CAPNS1: variants seen among roughly 807,000 people sequenced by gnomAD.
The protein encoded by CAPNS1 is CANP small subunit.
In CAPNS1, 32 loss-of-function variants were observed where a neutral mutation model predicts 39.2. The observed-to-expected ratio is 0.82, with a 90% CI of 0.62 to 1.10. The LOEUF (loss-of-function observed/expected upper bound fraction) is 1.10, where lower values mean the gene tolerates loss of function less well. CAPNS1 is among the 50% of genes least tolerant of loss of function. The pLI is 0.00. For synonymous variants in CAPNS1, 153 were observed against 136.2 expected (o/e 1.12, Z -0.86); for missense variants, 353 against 373.1 (o/e 0.95, Z 0.44).
intron 10 of CAPNS1, 67 bp from the exon 11 acceptor site, chr19:36,149,745 TG>T: frequency 6.3e-7 from 1 of 1,591,768 alleles, no homozygotes; most frequent in Non-Finnish European, 8.6e-7. Flanking sequence ...CAGCCGTCCC[TG>T]GGTGAGGGCA....
At chr19:36,147,133 A>G (rs1291362380) in intron 9 of CAPNS1, among the ~76,000 whole-genome samples, 4 of 152,246 alleles carry the variant, frequency 2.6e-5, no homozygotes, top group African/African-American at 9.6e-5. Flanking sequence ...GGCATGAGCC[A>G]TTGCATGTGG....
rs987873723 is a variant in CAPNS1 at position 36,146,029 on chromosome 19, A to G, written c.579A>G (p.Glu193=). Residue 193 remains glutamate, a synonymous_variant, in exon 8 of 11, where the codon GAA becomes GAG. Transcript: ENST00000246533. ...GATCAGGGACCATTTGCAGTAGTGA[A>G]CTCCCAGGTGCCTTTGAGGCAGCAG... ...TDRSGTICSS[E]LPGAFEAAGF... 6.2e-7 allele frequency: 1 copy of G among 1,614,036 alleles called. No individual in the cohort carries two copies. Among genetic ancestry groups the G allele is most frequent in the African/African-American group, 1.3e-5 (1 of 74,920 alleles).
At chr19:36,141,269 T>C in intron 2 of CAPNS1, 49 bp downstream of exon 2, 1 of 1,485,062 alleles carries the variant, frequency 6.7e-7, no homozygotes, top group Non-Finnish European at 8.9e-7. Flanking sequence ...GGGAGGAGCC[T>C]CAGTGAGGCG....
rs781699759 is a variant in CAPNS1, at chr19:36,141,164, C to A, written c.153C>A (p.Gly51=). The change falls in exon 2 of 11, where the codon GGC becomes GGA. Residue 51 remains glycine (G), a synonymous_variant. Coordinates refer to ENST00000246533, the MANE Select transcript of CAPNS1 (RefSeq NM_001749.4). ...GGGGGGGGGG[G]GGGGGTAMRI... ...GCGGCGGCGGCGGCGGTGGTGGAGG[C>A]GGCGGTGGCGGTGGAACGGCCATGC... 1 of 1,403,320 alleles carries A rather than the reference C, an allele frequency of 7.1e-7. No homozygotes were observed. Among genetic ancestry groups the A allele is most frequent in the Admixed American group, 3.7e-5 (1 of 26,794 alleles). The allele number at this position is 1,403,320 out of a possible 1,614,324, so 86.9% of individuals were successfully genotyped here. A position where few individuals can be genotyped will look rare whatever the true frequency, so the allele number is the denominator to read the frequency against.
chr19:36,148,161 T>C (rs1464682947), intron 9 of CAPNS1: 1 of 151,262 alleles, frequency 6.6e-6, no homozygotes, highest in Non-Finnish European at 1.5e-5. Context: ...AAGAAGCAGG[T>C]ATGTGAGATA....
chr19:36,140,935 G>A, intron 1 of CAPNS1, 62 bp from the exon 2 acceptor site: 4 of 1,579,022 alleles, frequency 2.5e-6, no homozygotes, highest in Non-Finnish European at 3.4e-6. Flanking sequence ...GGAAATGCGT[G>A]TTTGAAGGGA....
rs1367375950 is a variant in CAPNS1, at chr19:36,143,110, C to T, written c.438C>T (p.Ser146=). Residue 146 remains serine, a synonymous_variant, in exon 6 of 11, where the codon AGC becomes AGT. Coordinates refer to ENST00000246533, the MANE Select transcript of CAPNS1 (RefSeq NM_001749.4). The part of the protein sequence containing the change: ...TDGFGIDTCR[S]MVAVMDSDTT... ...GTTTTGGCATTGACACATGTCGCAG[C>T]ATGGTGGCCGTGATGGATGTATCCT... 6.2e-7 allele frequency: 1 copy of T among 1,614,132 alleles called. No individual in the cohort carries two copies.
chr19:36,141,380 T>C, intron 2 of CAPNS1, 160 bp downstream of exon 2: 2 of 1,345,342 alleles, frequency 1.5e-6, no homozygotes, highest in Non-Finnish European at 1.9e-6. Flanking sequence ...AGAGTTCTGC[T>C]GTAAGGGGGT....
intron 7 of CAPNS1, 29 bp from the exon 8 acceptor site, chr19:36,145,947 A>G: frequency 6.2e-7 from 1 of 1,613,548 alleles, no homozygotes; most frequent in South Asian, 1.1e-5. Context: ...CACAATGCTC[A>G]CTTGGACCCA....
In CAPNS1 at chr19:36,142,671, C is replaced by T. The variant is rs202081010; in HGVS notation, c.263C>T (p.Ser88Phe). The T allele has an allele frequency of 1.1e-3, 1,831 of 1,614,182 alleles. 34 individuals are homozygous for T. The South Asian group carries it at 0.019, about 17-fold the overall frequency. Residue 88 changes from serine (S) to phenylalanine (F), a missense_variant, in exon 4 of 11, where the codon TCC (serine) becomes TTC (phenylalanine). Transcript: ENST00000246533. ...TTGCAGCCCCCACGCACACATTACT[C>T]CAACATTGAGGCCAACGAGAGTGAG... ...PEPPPPRTHY[S>F]NIEANESEEV...
rs1390770868 is a variant in CAPNS1, at chr19:36,140,104, G to T, written c.-69G>T. On this transcript the variant is annotated 5_prime_UTR_variant, in exon 1 of 11. Transcript: ENST00000246533. Reference sequence around the variant, plus strand: ...CGCCCTCCGGAGCCGGACGCTGCGGGAGGCCCGGGAGCGGCAGTGGAACCG... The same window carrying T: ...CGCCCTCCGGAGCCGGACGCTGCGGTAGGCCCGGGAGCGGCAGTGGAACCG... 6.6e-6 allele frequency: 1 copy of T among 152,232 alleles called. No homozygotes were observed. Among genetic ancestry groups the T allele is most frequent in the East Asian group, 1.9e-4 (1 of 5,182 alleles). The allele number at this position is 152,232 out of a possible 1,614,324, so 9.4% of individuals were successfully genotyped here.
chr19:36,145,174 G>C (rs1177081079), intron 6 of CAPNS1, among the ~76,000 whole-genome samples: 1 of 145,434 alleles, frequency 6.9e-6, no homozygotes, highest in Non-Finnish European at 1.5e-5. Flanking sequence ...ATGAAATTGA[G>C]TTACTGTCAA....
chr19:36,149,608 C>T lies in CAPNS1; in HGVS notation c.752C>T (p.Thr251Ile). Residue 251 changes from threonine to isoleucine, a missense_variant, in exon 10 of 11, where the codon ACT (threonine) becomes ATT (isoleucine). Physicochemically the swap from Thr to Ile is moderately conservative, Grantham distance 89. Coordinates refer to ENST00000246533, the MANE Select transcript of CAPNS1 (RefSeq NM_001749.4). ...TTCAAATCTCTTGACAAAGATGGCA[C>T]TGGACAAATCCAGGTGAACATCCAG... The part of the protein sequence containing the change: ...RAFKSLDKDG[T>I]GQIQVNIQEW... 6.6e-7 allele frequency: 1 copy of T among 1,520,132 alleles called. No individual in the cohort carries two copies. The highest frequency in any genetic ancestry group is 8.8e-7 in the Non-Finnish European group (1 of 1,134,936). 94.2% of individuals were successfully genotyped at this position (1,520,132 alleles called of 1,614,324 possible). A position where few individuals can be genotyped will look rare whatever the true frequency, so the allele number is the denominator to read the frequency against.
chr19:36,141,069 G>C lies in CAPNS1; in HGVS notation c.58G>C (p.Gly20Arg). The C allele has an allele frequency of 6.6e-7, 1 of 1,505,760 alleles. No individual in the cohort carries two copies. The highest frequency in any genetic ancestry group is 8.9e-7 in the Non-Finnish European group (1 of 1,122,246). 93.3% of individuals were successfully genotyped at this position (1,505,760 alleles called of 1,614,324 possible). A position where few individuals can be genotyped will look rare whatever the true frequency, so the allele number is the denominator to read the frequency against. The change falls in exon 2 of 11, where the codon GGC (glycine) becomes CGC (arginine). Residue 20 changes from glycine (G) to arginine (R), a missense_variant. By Grantham distance (125) the Gly-to-Arg change is moderately radical. Transcript: ENST00000246533. ...GGGGGGGGGG[G>R]LGGGLGNVLG... The stretch of plus-strand genomic sequence containing the variant: ...CGGCGGCGGCGGCGGGGGAGGCGGG[G>C]GCCTGGGTGGGGGCCTGGGAAATGT...
chr19:36,141,256 A>G (rs966662344), intron 2 of CAPNS1, 36 bp downstream of exon 2: 3 of 1,497,210 alleles, frequency 2.0e-6, no homozygotes, highest in African/African-American at 1.5e-5. Flanking sequence ...GGGGCCTGGG[A>G]ATGGGAGGAG....
At chr19:36,142,590 GTT>G in intron 3 of CAPNS1, 60 bp from the exon 4 acceptor site, 1 of 1,419,284 alleles carries the variant, frequency 7.0e-7, no homozygotes, top group Non-Finnish European at 9.9e-7. Flanking sequence ...GGGTACCTGG[GTT>G]TGGGGAGCCG....
rs748860589 is a variant in CAPNS1, at chr19:36,142,298, A to G, written c.210-2A>G. ...TAACCCCTCCCCCTTATCTCTTCGC[A>G]GCGAGGCGGCTGCGCAGTACAACCC... is the stretch of plus-strand genomic sequence containing the variant. On this transcript the variant is annotated splice_acceptor_variant, in intron 2 of 10. Transcript: ENST00000246533. LOFTEE classifies it high-confidence loss of function. The G allele has an allele frequency of 6.4e-7, 1 of 1,559,860 alleles. No homozygotes were observed. Among genetic ancestry groups the G allele is most frequent in the East Asian group, 2.4e-5 (1 of 42,290 alleles).
Position 36,146,331 on chromosome 19 carries a change from G to C in CAPNS1, c.721+19G>C, listed in dbSNP as rs764736218. 2 of 1,512,972 alleles carry C rather than the reference G, an allele frequency of 1.3e-6. No individual in the cohort carries two copies. The highest frequency in any genetic ancestry group is 2.3e-5 in the East Asian group (1 of 44,406). The allele number at this position is 1,512,972 out of a possible 1,614,324, so 93.7% of individuals were successfully genotyped here. A position where few individuals can be genotyped will look rare whatever the true frequency, so the allele number is the denominator to read the frequency against. On this transcript the variant is annotated intron_variant, in intron 9 of 10. Coordinates refer to ENST00000246533, the MANE Select transcript of CAPNS1 (RefSeq NM_001749.4). ...ATGTTCCGTGAGTGACAACCCAGCT[G>C]TCTTCCTGGGTGGGGATTCCTATGA... is the stretch of plus-strand genomic sequence containing the variant.
At chr19:36,142,246 GC>G in intron 2 of CAPNS1, 53 bp from the exon 3 acceptor site, 1 of 1,199,948 alleles carries the variant, frequency 8.3e-7, no homozygotes, top group Non-Finnish European at 1.2e-6. Context: ...CTGTAGTGCT[GC>G]CCGTTGGAGG....
Sources: allele counts gnomAD v4.1 joint callset (sites outside exome capture counted in the v4.1 genomes callset), GRCh38; gene constraint gnomAD v4.1.1; transcripts MANE v1.5; gene names NCBI Gene and HGNC (gene_info 2026-07-23, HGNC 2026-07-21).